LRRC69: variants seen among roughly 807,000 people sequenced by gnomAD.
LRRC69 encodes leucine rich repeat containing 69.
In LRRC69, 42 loss-of-function variants were observed where a neutral mutation model predicts 37.8. The ratio of observed to expected loss-of-function variants is 1.11; its 90% CI spans 0.87 to 1.44. The LOEUF (loss-of-function observed/expected upper bound fraction) is 1.44. Ranked by LOEUF, LRRC69 falls within the 40% of genes most tolerant of loss-of-function variation. The probability of loss-of-function intolerance (pLI) is 0.00; values close to 1 mark genes in which losing one functional copy is unlikely to be tolerated. For missense variants in LRRC69, 357 were observed against 401.9 expected (o/e 0.89, Z 0.96); for synonymous variants, 141 against 143.1 (o/e 0.99, Z 0.11).
chr8:91,176,133 TA>T (rs61514061), intron 5 of LRRC69, among the ~76,000 whole-genome samples: 9,724 of 37,382 alleles, frequency 0.26, 450 homozygotes, highest in Admixed American at 0.32. Flanking sequence ...TATATATATA[TA>T]TTTTTTTTTT....
At chr8:91,124,752 G>T in intron 2 of LRRC69, 133 bp downstream of exon 2, 1 of 695,824 alleles carries the variant, frequency 1.4e-6, no homozygotes, top group African/African-American at 1.9e-5. Flanking sequence ...TACTACTCTT[G>T]AAATATAGGA....
chr8:91,191,042 C>CCA (rs1491546140), intron 6 of LRRC69, among the ~76,000 whole-genome samples: 2 of 15,550 alleles, frequency 1.3e-4, no homozygotes, highest in African/African-American at 3.7e-4. Context: ...CTGTCTCAAA[C>CCA]CCCCCCCCCC....
exon 7 of LRRC69, chr8:91,200,643 C>A: frequency 6.9e-7 from 1 of 1,456,732 alleles, no homozygotes; most frequent in South Asian, 1.5e-5. Flanking sequence ...AATGAATCAG[C>A]TAGCAGAAAA....
At chr8:91,152,298 T>G (rs904623051) in intron 5 of LRRC69, among the ~76,000 whole-genome samples, 2 of 151,736 alleles carry the variant, frequency 1.3e-5, no homozygotes, top group Non-Finnish European at 2.9e-5. Flanking sequence ...CTTGAGTTAA[T>G]TTTTGCATAA....
intron 2 of LRRC69, among the ~76,000 whole-genome samples, chr8:91,125,211 A>G (rs755889918): frequency 1.1e-4 from 17 of 151,872 alleles, no homozygotes; most frequent in African/African-American, 1.7e-4. Context: ...TAGCTTTATC[A>G]ACTAATGTAA....
intron 5 of LRRC69, among the ~76,000 whole-genome samples, chr8:91,176,480 GC>G (rs1809232481): frequency 6.6e-6 from 1 of 151,930 alleles, no homozygotes; most frequent in Non-Finnish European, 1.5e-5. Context: ...ATTAGGGTCT[GC>G]CAGAGAAACA....
intron 5 of LRRC69, among the ~76,000 whole-genome samples, chr8:91,150,202 TATG>T (rs1808706692): frequency 6.6e-6 from 1 of 152,020 alleles, no homozygotes; most frequent in African/African-American, 2.4e-5. Flanking sequence ...GCCCATTCAG[TATG>T]ATATTGGCTG....
At chr8:91,154,165 G>A (rs950671091) in intron 5 of LRRC69, among the ~76,000 whole-genome samples, 13 of 151,606 alleles carry the variant, frequency 8.6e-5, no homozygotes, top group Non-Finnish European at 1.5e-4. Context: ...ACTAAACCAG[G>A]AAGAAGTCAA....
At chr8:91,123,342 A>G (rs937017872) in intron 1 of LRRC69, among the ~76,000 whole-genome samples, 3 of 152,074 alleles carry the variant, frequency 2.0e-5, no homozygotes, top group Non-Finnish European at 4.4e-5. Context: ...CACATTTACA[A>G]TAGAAGAAGG....
intron 3 of LRRC69, 119 bp from the exon 4 acceptor site, chr8:91,132,991 A>G (rs553427165): frequency 1.7e-6 from 1 of 581,022 alleles, no homozygotes; most frequent in East Asian, 3.3e-5. Context: ...TGACTGAAGT[A>G]AGCTCAGAAG....
At chr8:91,210,055 A>G (rs4339600) in intron 7 of LRRC69, among the ~76,000 whole-genome samples, 115,527 of 152,102 alleles carry the variant, frequency 0.76, 45,037 homozygotes, top group African/African-American at 0.92. Flanking sequence ...ATATACCCAT[A>G]CTATGGAGTC....
intron 1 of LRRC69, among the ~76,000 whole-genome samples, chr8:91,123,711 G>A (rs1473348724): frequency 6.6e-6 from 1 of 151,868 alleles, no homozygotes; most frequent in African/African-American, 2.4e-5. Context: ...TTATGTTTAG[G>A]AGTAAAGTAA....
chr8:91,129,460 T>G (rs371095068), intron 3 of LRRC69, among the ~76,000 whole-genome samples: 1 of 151,814 alleles, frequency 6.6e-6, no homozygotes. Flanking sequence ...GATGGACAAA[T>G]GAACAATAGG....
chr8:91,135,985 A>G (rs1356671295), intron 5 of LRRC69, among the ~76,000 whole-genome samples: 2 of 151,902 alleles, frequency 1.3e-5, no homozygotes, highest in African/African-American at 4.8e-5. Flanking sequence ...TTAATATATC[A>G]GCTATGATTA....
intron 4 of LRRC69, among the ~76,000 whole-genome samples, chr8:91,134,868 C>T (rs1387218863): frequency 1.3e-5 from 2 of 152,056 alleles, no homozygotes; most frequent in African/African-American, 4.8e-5. Flanking sequence ...TTCTCATTCT[C>T]ATAGCACAAC....
At chr8:91,139,551 C>G (rs1808496632) in intron 5 of LRRC69, among the ~76,000 whole-genome samples, 1 of 149,788 alleles carries the variant, frequency 6.7e-6, no homozygotes, top group Non-Finnish European at 1.5e-5. Flanking sequence ...GCTAGGATTA[C>G]AGGCGTATGT....
At chr8:91,112,810 A>G (rs1359910585) in intron 1 of LRRC69, among the ~76,000 whole-genome samples, 1 of 152,048 alleles carries the variant, frequency 6.6e-6, no homozygotes, top group Non-Finnish European at 1.5e-5. Flanking sequence ...TGACATGATC[A>G]TGTACATAGA....
At chr8:91,119,637 G>A (rs983348018) in intron 1 of LRRC69, among the ~76,000 whole-genome samples, 2 of 151,920 alleles carry the variant, frequency 1.3e-5, no homozygotes. Flanking sequence ...ATCAACTGTG[G>A]TTGTCGTTCA....
chr8:91,116,879 T>C (rs1288175083), intron 1 of LRRC69, among the ~76,000 whole-genome samples: 1 of 152,032 alleles, frequency 6.6e-6, no homozygotes, highest in Non-Finnish European at 1.5e-5. Flanking sequence ...TCTTCTCTCT[T>C]ACTTATTAAA....
Sources: allele counts gnomAD v4.1 joint callset (sites outside exome capture counted in the v4.1 genomes callset), GRCh38; gene constraint gnomAD v4.1.1; transcripts MANE v1.5; gene names NCBI Gene and HGNC (gene_info 2026-07-23, HGNC 2026-07-21).